The following PCDH15 variants were observed in gnomAD, a reference collection of about 807,000 sequenced individuals.
PCDH15 encodes protocadherin-15.
A neutral mutation model predicts 178.5 loss-of-function variants in PCDH15; 129 were observed. The ratio of observed to expected loss-of-function variants is 0.72; its 90% CI spans 0.63 to 0.84. The LOEUF is 0.84. PCDH15 is among the 40% of genes least tolerant of loss of function. The pLI is 0.00. For missense variants in PCDH15, 2,230 were observed against 2,099.9 expected (o/e 1.06, Z -1.21); for synonymous variants, 800 against 732.0 (o/e 1.09, Z -1.50).
At chr10:55,499,404 TACACACACACACACACACACACAC>T (rs200878607) in intron 2 of PCDH15, among the ~76,000 whole-genome samples, 29 of 136,314 alleles carry the variant, frequency 2.1e-4, no homozygotes, top group African/African-American at 7.0e-4. Flanking sequence ...AGACTCTCCC[TACACACACACACACACACACACAC>T]ACACACACAC....
At chr10:53,943,153 A>T (rs2921912) in intron 23 of PCDH15, among the ~76,000 whole-genome samples, 116,113 of 151,944 alleles carry the variant, frequency 0.76, 44,775 homozygotes, top group East Asian at 1. Flanking sequence ...TATGGAAACA[A>T]GACGTCTGCA....
intron 2 of PCDH15, among the ~76,000 whole-genome samples, chr10:54,909,081 C>T (rs568406745): frequency 1.3e-5 from 2 of 152,298 alleles, no homozygotes; most frequent in East Asian, 3.9e-4. Context: ...TCTCCTTGAG[C>T]CTGGCTGAGC....
At chr10:53,908,752 G>A (rs1156426003) in intron 25 of PCDH15, among the ~76,000 whole-genome samples, 3 of 152,096 alleles carry the variant, frequency 2.0e-5, no homozygotes, top group Non-Finnish European at 4.4e-5. Flanking sequence ...GTTACGTATC[G>A]TTGCCTAACA....
At chr10:54,103,527 T>G (rs1177904713) in intron 15 of PCDH15, among the ~76,000 whole-genome samples, 1 of 152,160 alleles carries the variant, frequency 6.6e-6, no homozygotes, top group Non-Finnish European at 1.5e-5. Flanking sequence ...GGTGCTGCCC[T>G]CATAAATCTC....
intron 2 of PCDH15, among the ~76,000 whole-genome samples, chr10:55,536,307 G>A (rs1427917569): frequency 6.6e-6 from 1 of 151,824 alleles, no homozygotes; most frequent in African/African-American, 2.4e-5. Context: ...CTATATATTT[G>A]CTGAAGAGCA....
chr10:55,597,953 C>T (rs1028465736), intron 2 of PCDH15, among the ~76,000 whole-genome samples: 1 of 152,062 alleles, frequency 6.6e-6, no homozygotes, highest in East Asian at 1.9e-4. Context: ...CATCCCCGCC[C>T]CAGTGAGAAT....
chr10:54,895,094 T>C (rs1396384985), intron 3 of PCDH15, among the ~76,000 whole-genome samples: 3 of 152,142 alleles, frequency 2.0e-5, no homozygotes, highest in Non-Finnish European at 4.4e-5. Context: ...CACATAAAAA[T>C]AGATATTTGA....
intron 8 of PCDH15, among the ~76,000 whole-genome samples, chr10:54,289,773 G>A (rs545644057): frequency 1.1e-4 from 16 of 152,218 alleles, no homozygotes; most frequent in African/African-American, 2.9e-4. Context: ...TGGCCAATTC[G>A]ATCAAGTGAA....
chr10:54,538,819 A>C (rs1261521920), intron 2 of PCDH15, among the ~76,000 whole-genome samples: 1 of 152,184 alleles, frequency 6.6e-6, no homozygotes, highest in Non-Finnish European at 1.5e-5. Context: ...AGGGCCAATT[A>C]AACCTCTTTT....
In PCDH15 at chr10:53,806,259, C is replaced by T. The variant is rs1214596397; in HGVS notation, c.*320G>A. On this transcript the variant is annotated 3_prime_UTR_variant, in exon 38 of 38. Coordinates refer to ENST00000644397, the MANE Select transcript of PCDH15 (RefSeq NM_001384140.1). Reference sequence around the variant, plus strand: ...GAAATAAAGCATAATCTATGTTAATCAATAAAATATAAATGATTATTTAGT... The same window carrying T: ...GAAATAAAGCATAATCTATGTTAATTAATAAAATATAAATGATTATTTAGT... 1 of 226,704 alleles carries T rather than the reference C, an allele frequency of 4.4e-6. No individual in the cohort carries two copies. The highest frequency in any genetic ancestry group is 2.3e-5 in the African/African-American group (1 of 43,076). 14.0% of individuals were successfully genotyped at this position (226,704 alleles called of 1,614,324 possible).
At chr10:55,527,187 T>C (rs1004394842) in intron 2 of PCDH15, among the ~76,000 whole-genome samples, 1 of 152,104 alleles carries the variant, frequency 6.6e-6, no homozygotes, top group Non-Finnish European at 1.5e-5. Flanking sequence ...TCGTTTCTTA[T>C]GACTGCCATA....
At chr10:54,782,293 T>C (rs1016308955) in intron 1 of PCDH15, among the ~76,000 whole-genome samples, 2 of 152,142 alleles carry the variant, frequency 1.3e-5, no homozygotes, top group African/African-American at 4.8e-5. Flanking sequence ...TCTGACTCCA[T>C]AATTTACACT....
chr10:54,090,895 G>C (rs1233874630), intron 15 of PCDH15, among the ~76,000 whole-genome samples: 1 of 152,144 alleles, frequency 6.6e-6, no homozygotes, highest in Non-Finnish European at 1.5e-5. Flanking sequence ...GTTAATAGAT[G>C]TTGAGAGGTT....
intron 15 of PCDH15, among the ~76,000 whole-genome samples, chr10:54,111,157 AC>A (rs2095016355): frequency 6.6e-6 from 1 of 152,218 alleles, no homozygotes; most frequent in Admixed American, 6.5e-5. Flanking sequence ...ACTTTAATCA[AC>A]AATAGCTGAC....
chr10:53,915,926 C>G (rs1163809523), intron 25 of PCDH15, among the ~76,000 whole-genome samples: 1 of 152,146 alleles, frequency 6.6e-6, no homozygotes, highest in Non-Finnish European at 1.5e-5. Context: ...AACACTGACA[C>G]TTTGTCATTC....
intron 25 of PCDH15, among the ~76,000 whole-genome samples, chr10:53,929,431 A>G (rs1158997625): frequency 6.6e-6 from 1 of 152,154 alleles, no homozygotes; most frequent in Non-Finnish European, 1.5e-5. Context: ...CCATATTTTA[A>G]AGTAATACAT....
At chr10:53,841,903 G>T (rs2077670278) in intron 28 of PCDH15, among the ~76,000 whole-genome samples, 1 of 146,244 alleles carries the variant, frequency 6.8e-6, no homozygotes, top group Non-Finnish European at 1.5e-5. Flanking sequence ...GGAGGTTGCA[G>T]TGACTCCAGC....
chr10:54,067,279 T>C (rs1404179717), intron 17 of PCDH15, among the ~76,000 whole-genome samples: 6 of 152,280 alleles, frequency 3.9e-5, no homozygotes, highest in African/African-American at 1.4e-4. Context: ...TGTTTGACTG[T>C]TTAAAAATAA....
At chr10:55,610,506 AT>A (rs1257259534) in intron 2 of PCDH15, among the ~76,000 whole-genome samples, 4 of 152,070 alleles carry the variant, frequency 2.6e-5, no homozygotes, top group African/African-American at 9.7e-5. Context: ...AAGAAATAAC[AT>A]TTTGGTAGAT....
Sources: gnomAD v4.1 joint callset for allele counts (sites outside exome capture counted in the v4.1 genomes callset) on GRCh38, gnomAD v4.1.1 for gene constraint, MANE v1.5 for transcripts, NCBI Gene and HGNC (gene_info 2026-07-23, HGNC 2026-07-21) for gene names.